Variants in SCN9A observed in about 807,000 individuals in gnomAD.
The protein encoded by SCN9A is sodium channel protein type 9 subunit alpha.
SCN9A carries 131 observed loss-of-function variants against 187.0 expected under a neutral mutation model. The ratio of observed to expected loss-of-function variants is 0.70; its 90% CI spans 0.61 to 0.81. The LOEUF is 0.81. SCN9A is among the 30% of genes least tolerant of loss of function. The probability of loss-of-function intolerance (pLI) is 0.00; values close to 1 mark genes in which losing one functional copy is unlikely to be tolerated. For missense variants in SCN9A, 2,252 were observed against 2,396.6 expected, an observed-to-expected ratio of 0.94 and a Z score of 1.26; for synonymous variants, 809 against 808.6, an observed-to-expected ratio of 1.00 and a Z score of -0.01.
At chr2:166,267,398 C>T (rs756271540) in intron 17 of SCN9A, among the ~76,000 whole-genome samples, 7 of 151,820 alleles carry the variant, frequency 4.6e-5, no homozygotes, top group South Asian at 2.1e-4. Flanking sequence ...ATCCCTGGGA[C>T]GATTTCCAGT....
At chr2:166,370,975 C>G (rs998815048) in intron 1 of SCN9A, among the ~76,000 whole-genome samples, 4 of 152,028 alleles carry the variant, frequency 2.6e-5, no homozygotes, top group African/African-American at 9.7e-5. Context: ...GTAAAAAATC[C>G]AAGGAGACAT....
Position 166,360,286 on chromosome 2 carries a change from C to A in SCN9A, c.-51+15411G>T, listed in dbSNP as rs1700252320. ...TTATAATCTTAAGAAGTGTATTACCCTGGGAAAACTTAAGATTAGTGTCAA... is the reference window on the plus strand; with the variant it reads ...TTATAATCTTAAGAAGTGTATTACCATGGGAAAACTTAAGATTAGTGTCAA... On this transcript the variant is annotated intron_variant, in intron 1 of 26. Transcript: ENST00000642356. Among the ~76,000 whole-genome samples the A allele has an allele frequency of 2.0e-5, 3 of 149,560 alleles. 1 individual carries two copies. In the South Asian group the frequency reaches 6.4e-4, roughly 32 times the overall value.
At position 166,195,351 on chromosome 2, in the gene SCN9A, TG is replaced by T. The variant is rs1297723675; in HGVS notation, c.*3320del. Reference sequence around the variant, plus strand: ...TATGTAAACAGCTTTATGATATTCATGGCTATTTATTTATTTTCATGAAGCA... The same window carrying T: ...TATGTAAACAGCTTTATGATATTCATGCTATTTATTTATTTTCATGAAGCA... On this transcript the variant is annotated 3_prime_UTR_variant, in exon 27 of 27. Transcript: ENST00000642356. 2 of 152,176 alleles carry T rather than the reference TG, an allele frequency of 1.3e-5. No homozygotes were observed. Among genetic ancestry groups the T allele is most frequent in the Non-Finnish European group, 1.5e-5 (1 of 68,032 alleles). The allele number at this position is 152,176 out of a possible 1,614,324, so 9.4% of individuals were successfully genotyped here. A position where few individuals can be genotyped will look rare whatever the true frequency, so the allele number is the denominator to read the frequency against.
chr2:166,298,961 T>G (rs1698436327), intron 7 of SCN9A: 1 of 152,236 alleles, frequency 6.6e-6, no homozygotes, highest in Non-Finnish European at 1.5e-5. Flanking sequence ...CTTCCTCATT[T>G]GCACTCTCAG....
chr2:166,273,956 C>T (rs1015651172), intron 16 of SCN9A, among the ~76,000 whole-genome samples: 7 of 151,974 alleles, frequency 4.6e-5, no homozygotes, highest in African/African-American at 9.7e-5. Context: ...TTCTGGAGGT[C>T]GGAGGTCTGG....
intron 17 of SCN9A, among the ~76,000 whole-genome samples, chr2:166,264,368 G>C (rs934220185): frequency 2.0e-5 from 3 of 151,928 alleles, no homozygotes; most frequent in African/African-American, 7.2e-5. Context: ...ACTCTGAGAA[G>C]AGCCATCAGT....
chr2:166,288,094 TA>T (rs1487300965), intron 10 of SCN9A, among the ~76,000 whole-genome samples: 71 of 24,612 alleles, frequency 2.9e-3, no homozygotes, highest in African/African-American at 0.024. Context: ...TCCATGTGTT[TA>T]TATATATATA....
In SCN9A at chr2:166,203,994, T is replaced by G. The variant is rs755887452; in HGVS notation, c.4735A>C (p.Asn1579His). The change falls in exon 26 of 27, where the codon AAT becomes CAT. Residue 1579 changes from asparagine to histidine, a missense_variant. Physicochemically the swap from Asn to His is moderately conservative, Grantham distance 68. Around this residue, in one of 7 missense-constraint regions of SCN9A, gnomAD observed 368 missense variants for 408.6 expected, o/e 0.90. Coordinates refer to ENST00000642356, the MANE Select transcript of SCN9A (RefSeq NM_001365536.1). ...ATCACAACCACAAAATCAAAAATAT[T>G]CCATCCTACAGTGAAGTAGTAGTGT... Reference protein sequence around the residue: ...LRHYYFTVGWNIFDFVVVIIS... With the variant: ...LRHYYFTVGWHIFDFVVVIIS... 13 of 1,599,188 alleles carry G rather than the reference T, an allele frequency of 8.1e-6. No homozygotes were observed. The South Asian group carries it at 1.4e-4, about 18-fold the overall frequency.
chr2:166,290,283 T>C (rs1697985357), intron 9 of SCN9A, among the ~76,000 whole-genome samples: 1 of 152,222 alleles, frequency 6.6e-6, no homozygotes, highest in Non-Finnish European at 1.5e-5. Context: ...TTCCATGGTG[T>C]ATATGTACCA....
chr2:166,286,354 C>A lies in SCN9A; in HGVS notation c.1584G>T (p.Arg528Ser). The A allele has an allele frequency of 6.2e-7, 1 of 1,609,398 alleles. No individual in the cohort carries two copies. The highest frequency in any genetic ancestry group is 8.5e-7 in the Non-Finnish European group (1 of 1,178,428). The part of the protein sequence containing the change: ...VEGHRRAHEK[R>S]LSTPNQSPLS... Reference sequence around the variant, plus strand: ...GTGGTACCTGATTGGGGGTAGACAACCTCTTTTCATGTGCTCGCCTATGCC... The same window carrying A: ...GTGGTACCTGATTGGGGGTAGACAAACTCTTTTCATGTGCTCGCCTATGCC... The change falls in exon 11 of 27, where the codon AGG (arginine) becomes AGT (serine). Residue 528 changes from arginine to serine, a missense_variant. Around this residue, in one of 7 missense-constraint regions of SCN9A, gnomAD observed 1,013 missense variants for 997.4 expected, o/e 1.02. Coordinates refer to ENST00000642356, the MANE Select transcript of SCN9A (RefSeq NM_001365536.1).
chr2:166,325,338 G>T (rs1360589934), intron 1 of SCN9A, among the ~76,000 whole-genome samples: 1 of 151,974 alleles, frequency 6.6e-6, no homozygotes, highest in East Asian at 1.9e-4. Context: ...GTACAAAATA[G>T]CATTGCTTTG....
At chr2:166,247,042 T>C (rs1211764909) in intron 18 of SCN9A, among the ~76,000 whole-genome samples, 4 of 151,692 alleles carry the variant, frequency 2.6e-5, no homozygotes, top group Non-Finnish European at 5.9e-5. Context: ...CTCTCAAACA[T>C]TTTAATGGGT....
At chr2:166,373,492 G>A (rs577443766) in intron 1 of SCN9A, among the ~76,000 whole-genome samples, 1 of 152,132 alleles carries the variant, frequency 6.6e-6, no homozygotes, top group Non-Finnish European at 1.5e-5. Context: ...TTTGGTGGCC[G>A]TGTAGATACA....
chr2:166,311,465 C>G, intron 2 of SCN9A, 34 bp downstream of exon 2: 1 of 1,455,724 alleles, frequency 6.9e-7, no homozygotes, highest in Non-Finnish European at 9.1e-7. Context: ...AGGAAGCCAA[C>G]AGAAACTGAC....
rs140792426 is a variant in SCN9A, at chr2:166,360,261, T to G, written c.-51+15436A>C. Among the ~76,000 whole-genome samples the G allele has an allele frequency of 9.8e-3, 1,471 of 149,396 alleles. 28 individuals are homozygous for G. The highest frequency in any genetic ancestry group is 0.035 in the African/African-American group (1,398 of 40,120). ...GAAAAAAAAAAAAAGAAATTAAAGT[T>G]TATAATCTTAAGAAGTGTATTACCC... On this transcript the variant is annotated intron_variant, in intron 1 of 26. Transcript: ENST00000642356.
intron 19 of SCN9A, among the ~76,000 whole-genome samples, chr2:166,238,842 T>C (rs1405346913): frequency 6.6e-6 from 1 of 152,216 alleles, no homozygotes; most frequent in Admixed American, 6.5e-5. Context: ...TATTCATCCA[T>C]ATATTATCCT....
Position 166,228,741 on chromosome 2 carries a change from T to G in SCN9A, c.4156A>C (p.Lys1386Gln), listed in dbSNP as rs199902747. 22 of 1,613,736 alleles carry G rather than the reference T, an allele frequency of 1.4e-5. No homozygotes were observed. Among genetic ancestry groups the G allele is most frequent in the Admixed American group, 5.0e-5 (3 of 60,002 alleles). ...VSQNVRWKNL[K>Q]VNFDNVGLGY... ...AGTCCGACATTATCAAAGTTCACTTTCAGGTTTTTCCATCGCACATTTTGA... is the reference window on the plus strand; with the variant it reads ...AGTCCGACATTATCAAAGTTCACTTGCAGGTTTTTCCATCGCACATTTTGA... The change falls in exon 22 of 27, where the codon AAA (lysine) becomes CAA (glutamine). Residue 1386 changes from lysine (K) to glutamine (Q), a missense_variant. Physicochemically the swap from Lys to Gln is moderately conservative, Grantham distance 53. This residue lies in a region of SCN9A where 368 missense variants were observed against 408.6 expected (regional missense o/e 0.90). Coordinates refer to ENST00000642356, the MANE Select transcript of SCN9A (RefSeq NM_001365536.1).
At chr2:166,361,056 G>T (rs1559063324) in intron 1 of SCN9A, among the ~76,000 whole-genome samples, 1 of 152,146 alleles carries the variant, frequency 6.6e-6, no homozygotes, top group African/African-American at 2.4e-5. Context: ...TGTCCTTGGG[G>T]AATTTAATTA....
chr2:166,340,079 G>A (rs1048167098), intron 1 of SCN9A, among the ~76,000 whole-genome samples: 3 of 152,126 alleles, frequency 2.0e-5, no homozygotes. Flanking sequence ...CAGTATTACA[G>A]CTTGAAAACA....
Sources: gnomAD v4.1 joint callset for allele counts (sites outside exome capture counted in the v4.1 genomes callset) on GRCh38, gnomAD v4.1.1 for gene constraint, gnomAD v4.1.1 regional missense constraint, MANE v1.5 for transcripts, NCBI Gene and HGNC (gene_info 2026-07-23, HGNC 2026-07-21) for gene names.